The following POFUT4 variants were observed in gnomAD, a reference collection of about 807,000 sequenced individuals.
POFUT4 encodes the protein protein O-fucosyltransferase 4, also known as GDP-fucose protein O-fucosyltransferase 4.
the POFUT4 span, chr10:73,779,068 A>G: frequency 1.3e-5 from 2 of 148,152 alleles, no homozygotes; most frequent in Non-Finnish European, 3.0e-5. Context: ...ACTGCACTCC[A>G]GAAACTAAAA....
the POFUT4 span, chr10:73,773,630 C>T: frequency 1.2e-6 from 2 of 1,614,140 alleles, no homozygotes; most frequent in African/African-American, 1.3e-5. Flanking sequence ...TGCCTAACTA[C>T]CTCAACGGCT....
the POFUT4 span, chr10:73,775,373 G>T: frequency 1.3e-6 from 2 of 1,554,012 alleles, no homozygotes; most frequent in Non-Finnish European, 1.8e-6. Flanking sequence ...ACTGCCTGTC[G>T]CTTGGGCTTA....
At chr10:73,773,431 A>G in the POFUT4 span, 4 of 1,614,220 alleles carry the variant, frequency 2.5e-6, no homozygotes, top group South Asian at 2.2e-5. Context: ...TGGATGCCGA[A>G]CAATCACTCC....
chr10:73,772,299 T>G, the POFUT4 span: 1 of 1,400,132 alleles, frequency 7.1e-7, no homozygotes. Context: ...GCGGGGTCGG[T>G]GCTGGCCGAG....
chr10:73,772,444 G>A, the POFUT4 span: 2 of 1,564,774 alleles, frequency 1.3e-6, no homozygotes, highest in Non-Finnish European at 8.6e-7. Context: ...GGGAGGCGGA[G>A]TGGGCGGAAC....
chr10:73,772,421 AGGGAGGCCGGCG>A, the POFUT4 span: 2 of 1,570,986 alleles, frequency 1.3e-6, no homozygotes, highest in Non-Finnish European at 1.7e-6. Flanking sequence ...CGTAGCGGAG[AGGGAGGCCGGCG>A]GGGAGGCGGA....
chr10:73,772,387 CTG>C, the POFUT4 span: 3 of 1,565,890 alleles, frequency 1.9e-6, no homozygotes, highest in African/African-American at 4.2e-5. Context: ...TGCTCAGTGT[CTG>C]TGCAGCCAGC....
At chr10:73,773,906 C>T in the POFUT4 span, 2 of 1,404,204 alleles carry the variant, frequency 1.4e-6, no homozygotes, top group East Asian at 2.3e-5. Flanking sequence ...TGAGCAGGTG[C>T]AGGAGGAAAT....
chr10:73,772,643 G>A, the POFUT4 span: 5 of 1,555,570 alleles, frequency 3.2e-6, no homozygotes, highest in South Asian at 3.5e-5. Context: ...CGGCGCGTGC[G>A]TGGCGTCCCG....
the POFUT4 span, chr10:73,775,512 A>G: frequency 6.2e-7 from 1 of 1,614,254 alleles, no homozygotes; most frequent in Non-Finnish European, 8.5e-7. Context: ...CTGCAGTTCC[A>G]TAATCCAACC....
At chr10:73,776,961 C>G in the POFUT4 span, among the ~76,000 whole-genome samples, 1 of 152,154 alleles carries the variant, frequency 6.6e-6, no homozygotes, top group Admixed American at 6.5e-5. Context: ...TTACAGGTGT[C>G]AGCCACCGCA....
chr10:73,772,650 C>G, the POFUT4 span: 1 of 1,555,620 alleles, frequency 6.4e-7, no homozygotes, highest in Non-Finnish European at 8.7e-7. Flanking sequence ...TGCGTGGCGT[C>G]CCGGAACCGC....
chr10:73,777,388 C>T, the POFUT4 span, among the ~76,000 whole-genome samples: 1 of 150,576 alleles, frequency 6.6e-6, no homozygotes, highest in Non-Finnish European at 1.5e-5. Flanking sequence ...ATGAAGTGTT[C>T]CCTCTATTTT....
At chr10:73,775,069 T>C in the POFUT4 span, 6 of 234,646 alleles carry the variant, frequency 2.6e-5, no homozygotes, top group Non-Finnish European at 5.1e-5. Context: ...AGGAAAAGTA[T>C]GAAAAAATAT....
the POFUT4 span, among the ~76,000 whole-genome samples, chr10:73,778,619 T>A: frequency 1.3e-5 from 2 of 152,086 alleles, no homozygotes; most frequent in African/African-American, 4.8e-5. Flanking sequence ...CCTATATCTA[T>A]ATATCTACCT....
chr10:73,772,287 G>C, the POFUT4 span: 1 of 1,371,922 alleles, frequency 7.3e-7, no homozygotes, highest in Non-Finnish European at 9.4e-7. Context: ...ACTATCCGCT[G>C]GGCGGGGTCG....
the POFUT4 span, chr10:73,775,342 A>T: frequency 7.9e-7 from 1 of 1,269,864 alleles, no homozygotes; most frequent in African/African-American, 1.5e-5. Flanking sequence ...AGTCTGTGTG[A>T]TGTCTTTGTG....
the POFUT4 span, chr10:73,779,143 C>G: frequency 6.6e-6 from 1 of 152,042 alleles, no homozygotes. Context: ...GTCTGCAGTC[C>G]CAGCTACTCA....
chr10:73,772,402 C>A, the POFUT4 span: 1 of 1,571,492 alleles, frequency 6.4e-7, no homozygotes, highest in Admixed American at 1.8e-5. Flanking sequence ...CAGCCAGCGG[C>A]CATGGGTCCG....
Sources: allele counts gnomAD v4.1 joint callset (sites outside exome capture counted in the v4.1 genomes callset), GRCh38; gene constraint gnomAD v4.1.1; transcripts MANE v1.5; gene names NCBI Gene and HGNC (gene_info 2026-07-23, HGNC 2026-07-21).